TASOR: variants seen among roughly 807,000 people sequenced by gnomAD.
TASOR encodes the protein transcription activation suppressor, also known as protein TASOR.
TASOR carries 53 observed loss-of-function variants against 178.6 expected under a neutral mutation model. That is an observed-to-expected ratio of 0.30 (90% CI 0.24 to 0.37). The LOEUF (loss-of-function observed/expected upper bound fraction) is 0.37, where lower values mean the gene tolerates loss of function less well. TASOR is among the 10% of genes least tolerant of loss of function. The probability of loss-of-function intolerance (pLI) is 1.00; values close to 1 mark genes in which losing one functional copy is unlikely to be tolerated. For synonymous variants in TASOR, 713 were observed against 696.2 expected, an observed-to-expected ratio of 1.02 and a Z score of -0.38; for missense variants, 1,815 against 1,971.4, an observed-to-expected ratio of 0.92 and a Z score of 1.50.
chr3:56,640,990 C>T (rs1247249110), intron 15 of TASOR, among the ~76,000 whole-genome samples: 2 of 152,214 alleles, frequency 1.3e-5, no homozygotes, highest in Non-Finnish European at 2.9e-5. Flanking sequence ...TTTGGGTTCT[C>T]TGTTACTGCC....
chr3:56,660,037 A>AT (rs2107608704), intron 11 of TASOR, among the ~76,000 whole-genome samples: 1 of 151,818 alleles, frequency 6.6e-6, no homozygotes, highest in African/African-American at 2.4e-5. Flanking sequence ...CTAATTTTAT[A>AT]TTTTTAGTAG....
Position 56,673,566 on chromosome 3 carries a change from A to G in TASOR, c.477+14T>C. 6.5e-7 allele frequency: 1 copy of G among 1,530,490 alleles called. No homozygotes were observed. The highest frequency in any genetic ancestry group is 8.8e-7 in the Non-Finnish European group (1 of 1,139,154). 94.8% of individuals were successfully genotyped at this position (1,530,490 alleles called of 1,614,324 possible). ...CTGAAAACAATCTTACAGTAAGTATAATTTAAAACATACCTCCTTTTCCAA... is the reference window on the plus strand; with the variant it reads ...CTGAAAACAATCTTACAGTAAGTATGATTTAAAACATACCTCCTTTTCCAA... On this transcript the variant is annotated intron_variant, in intron 2 of 23. Transcript: ENST00000683822.
In TASOR at chr3:56,646,576, T is replaced by C. The variant is rs1045107835; in HGVS notation, c.2161A>G (p.Met721Val). The part of the protein sequence containing the change: ...KRKLEDLPEN[M>V]RKLAKTSNLS... ...TTACTGGTTTTGGCGAGCTTTCTCATATTTTCAGGTAGATCCTCAAGCTTC... is the reference window on the plus strand; with the variant it reads ...TTACTGGTTTTGGCGAGCTTTCTCACATTTTCAGGTAGATCCTCAAGCTTC... Residue 721 changes from methionine to valine, a missense_variant, in exon 14 of 24, where the codon ATG becomes GTG. Met to Val is a conservative substitution (Grantham distance 21). This residue lies in a region of TASOR where 655 missense variants were observed against 671.1 expected (regional missense o/e 0.98). Coordinates refer to ENST00000683822, the MANE Select transcript of TASOR (RefSeq NM_001365635.2). 4.3e-6 allele frequency: 7 copies of C among 1,609,890 alleles called. No individual in the cohort carries two copies. The African/African-American group carries it at 9.4e-5, about 22-fold the overall frequency.
intron 11 of TASOR, among the ~76,000 whole-genome samples, chr3:56,659,954 A>C (rs1362439509): frequency 1.3e-5 from 2 of 151,614 alleles, no homozygotes; most frequent in African/African-American, 2.4e-5. Flanking sequence ...GGCTCACCAC[A>C]ACCTCTTCCT....
intron 11 of TASOR, among the ~76,000 whole-genome samples, chr3:56,659,899 A>T (rs186340509): frequency 2.0e-5 from 3 of 150,804 alleles, no homozygotes. Context: ...TTTGAGATGG[A>T]GTCTCGCTTT....
intron 7 of TASOR, among the ~76,000 whole-genome samples, chr3:56,664,923 C>T (rs1368088342): frequency 6.6e-6 from 1 of 152,126 alleles, no homozygotes; most frequent in Non-Finnish European, 1.5e-5. Context: ...GCCTATAATC[C>T]TAGTGCTCTG....
intron 23 of TASOR, 137 bp downstream of exon 23, chr3:56,624,342 G>T: frequency 1.3e-6 from 1 of 777,784 alleles, no homozygotes; most frequent in Non-Finnish European, 2.1e-6. Flanking sequence ...AATGATAAAT[G>T]TCTTGAAACA....
At position 56,633,925 on chromosome 3, in the gene TASOR, G is replaced by A; in HGVS notation, c.2866C>T (p.Gln956Ter). Residue 956 changes from glutamine (Q) to a stop codon, truncating the protein, a stop_gained, in exon 18 of 24, where the codon CAG (glutamine) becomes TAG (stop). Coordinates refer to ENST00000683822, the MANE Select transcript of TASOR (RefSeq NM_001365635.2). LOFTEE classifies it high-confidence loss of function. Reference sequence around the variant, plus strand: ...CGGGGGTCGTTAGGAAAGGCCTCCTGTGGTGGCACACACACCAGTTGTTCT... The same window carrying A: ...CGGGGGTCGTTAGGAAAGGCCTCCTATGGTGGCACACACACCAGTTGTTCT... ...PEEQLVCVPP[Q>*]EAFPNDPRVI... The A allele has an allele frequency of 6.4e-7, 1 of 1,558,926 alleles. No individual in the cohort carries two copies. The highest frequency in any genetic ancestry group is 8.7e-7 in the Non-Finnish European group (1 of 1,150,830).
rs1411774964 is a variant in TASOR, at chr3:56,621,296, G to T, written c.*1741C>A. ...TACCCCCATAGTTATGGAGTCTTGAGTTCTAAGAAAATTTTCATCCCTATT... is the reference window on the plus strand; with the variant it reads ...TACCCCCATAGTTATGGAGTCTTGATTTCTAAGAAAATTTTCATCCCTATT... On this transcript the variant is annotated 3_prime_UTR_variant, in exon 24 of 24. Coordinates refer to ENST00000683822, the MANE Select transcript of TASOR (RefSeq NM_001365635.2). 9.0e-6 allele frequency: 3 copies of T among 333,084 alleles called. No homozygotes were observed. The highest frequency in any genetic ancestry group is 1.6e-5 in the Non-Finnish European group (3 of 183,136). 20.6% of individuals were successfully genotyped at this position (333,084 alleles called of 1,614,324 possible).
At chr3:56,652,487 G>A (rs376944699) in intron 11 of TASOR, among the ~76,000 whole-genome samples, 21 of 151,286 alleles carry the variant, frequency 1.4e-4, no homozygotes, top group Middle Eastern at 3.4e-3. Flanking sequence ...CCAGAAAGTC[G>A]AGGGTGCAGT....
At chr3:56,664,063 T>G (rs1158000329) in intron 7 of TASOR, 1 of 163,480 alleles carries the variant, frequency 6.1e-6, no homozygotes, top group African/African-American at 2.4e-5. Context: ...TCATGATGGT[T>G]TTCAGTGCTA....
Position 56,646,969 on chromosome 3 carries a change from A to C in TASOR, c.1768T>G (p.Ser590Ala). ...SRLDDKKFLY[S>A]APRNKSHIDT... ...ATATGGGATTTATTTCTGGGAGCTGAGTATAAGAATTTTTTATCATCTAAT... is the reference window on the plus strand; with the variant it reads ...ATATGGGATTTATTTCTGGGAGCTGCGTATAAGAATTTTTTATCATCTAAT... Residue 590 changes from serine to alanine, a missense_variant, in exon 14 of 24, where the codon TCA (serine) becomes GCA (alanine). This residue lies in a region of TASOR where 504 missense variants were observed against 645.3 expected (regional missense o/e 0.78). Transcript: ENST00000683822. 1 of 1,609,738 alleles carries C rather than the reference A, an allele frequency of 6.2e-7. No homozygotes were observed. The highest frequency in any genetic ancestry group is 1.3e-5 in the African/African-American group (1 of 74,744).
rs750637702 is a variant in TASOR at position 56,633,389 on chromosome 3, AAGG to A, written c.3399_3401del (p.Leu1134del). ...TCAAAGGATCACTACACAGTGGCTC[AAGG>A]AGATGTTTATTGTTGAAGTCACTTG... is the stretch of plus-strand genomic sequence containing the variant. On this transcript the variant is annotated inframe_deletion, in exon 18 of 24. Coordinates refer to ENST00000683822, the MANE Select transcript of TASOR (RefSeq NM_001365635.2). 12 of 1,614,098 alleles carry A rather than the reference AAGG, an allele frequency of 7.4e-6. No individual in the cohort carries two copies. In the South Asian group the frequency reaches 9.9e-5, roughly 13 times the overall value.
At position 56,671,603 on chromosome 3, in the gene TASOR, G is replaced by A; in HGVS notation, c.567C>T (p.Tyr189=). 2 of 1,544,674 alleles carry A rather than the reference G, an allele frequency of 1.3e-6. No individual in the cohort carries two copies. Among genetic ancestry groups the A allele is most frequent in the Non-Finnish European group, 1.7e-6 (2 of 1,143,146 alleles). The stretch of plus-strand genomic sequence containing the variant: ...TTTATAAAATGCGTTAACTCACCTG[G>A]TATCGATCAACCATCAGAAATGCAT... The part of the protein sequence containing the change: ...ESYAFLMVDR[Y]QVQTICEKGL... The change falls in exon 3 of 24, where the codon TAC becomes TAT. Residue 189 remains tyrosine (Y), a synonymous_variant. Coordinates refer to ENST00000683822, the MANE Select transcript of TASOR (RefSeq NM_001365635.2).
chr3:56,682,548 G>A (rs2107651734), intron 1 of TASOR, 128 bp downstream of exon 1: 1 of 881,604 alleles, frequency 1.1e-6, no homozygotes, highest in East Asian at 3.1e-5. Flanking sequence ...GGCGGTGAGG[G>A]GAGAGGCGGC....
At chr3:56,638,557 T>C in intron 17 of TASOR, 149 bp downstream of exon 17, 1 of 655,674 alleles carries the variant, frequency 1.5e-6, no homozygotes, top group South Asian at 1.9e-5. Context: ...ACTCAAGTAA[T>C]GATTTACATA....
chr3:56,641,842 G>A lies in TASOR; in HGVS notation c.2216-90C>T, dbSNP rs909166873. 4.6e-6 allele frequency: 6 copies of A among 1,309,760 alleles called. No individual in the cohort carries two copies. The African/African-American group carries it at 8.9e-5, about 20-fold the overall frequency. The allele number at this position is 1,309,760 out of a possible 1,614,324, so 81.1% of individuals were successfully genotyped here. ...AATATACCTAAAAAATTATCATAAA[G>A]CATTTATGGTCAGGAACTCAACCAA... On this transcript the variant is annotated intron_variant, in intron 14 of 23. Coordinates refer to ENST00000683822, the MANE Select transcript of TASOR (RefSeq NM_001365635.2).
chr3:56,669,274 C>T (rs897164585), intron 5 of TASOR, among the ~76,000 whole-genome samples: 2 of 151,984 alleles, frequency 1.3e-5, no homozygotes, highest in Non-Finnish European at 2.9e-5. Flanking sequence ...GAGGCTGACG[C>T]GGGTGGATCA....
chr3:56,626,791 C>G (rs1443792164), intron 21 of TASOR, among the ~76,000 whole-genome samples: 3 of 152,020 alleles, frequency 2.0e-5, no homozygotes, highest in Admixed American at 1.3e-4. Context: ...GATGATTACT[C>G]TAAATCCACA....
Sources: allele counts gnomAD v4.1 joint callset (sites outside exome capture counted in the v4.1 genomes callset), GRCh38; gene constraint gnomAD v4.1.1; regional missense constraint gnomAD v4.1.1; transcripts MANE v1.5; gene names NCBI Gene and HGNC (gene_info 2026-07-23, HGNC 2026-07-21).